Variants in CHRM2 observed in about 807,000 individuals in gnomAD.
CHRM2 encodes cholinergic receptor muscarinic 2.
Under a neutral mutation model 25.0 loss-of-function variants are expected in CHRM2, and 8 were observed. The ratio of observed to expected loss-of-function variants is 0.32; its 90% CI spans 0.19 to 0.58. The LOEUF (loss-of-function observed/expected upper bound fraction) is 0.58. CHRM2 is among the 20% of genes least tolerant of loss of function. The pLI is 0.88. For synonymous variants in CHRM2, 202 were observed against 205.7 expected (o/e 0.98, Z 0.15); for missense variants, 440 against 567.1 (o/e 0.78, Z 2.28).
At chr7:136,888,461 G>T (rs1796557530) in intron 2 of CHRM2, among the ~76,000 whole-genome samples, 2 of 152,118 alleles carry the variant, frequency 1.3e-5, no homozygotes, top group East Asian at 1.9e-4. Flanking sequence ...ATTTTAGCAG[G>T]TTTTCAGAAA....
At chr7:136,947,196 G>A (rs1460457440) in intron 2 of CHRM2, among the ~76,000 whole-genome samples, 1 of 151,982 alleles carries the variant, frequency 6.6e-6, no homozygotes, top group East Asian at 1.9e-4. Context: ...AAGCTGTCGT[G>A]GTTTTTTTGT....
intron 2 of CHRM2, among the ~76,000 whole-genome samples, chr7:136,884,889 T>C (rs1281700821): frequency 6.6e-6 from 1 of 152,168 alleles, no homozygotes; most frequent in Non-Finnish European, 1.5e-5. Context: ...CCACACTCAG[T>C]GAAGATCAAA....
chr7:136,993,152 A>AT (rs1443491305), intron 3 of CHRM2, among the ~76,000 whole-genome samples: 4 of 152,152 alleles, frequency 2.6e-5, no homozygotes, highest in Non-Finnish European at 5.9e-5. Flanking sequence ...ATTGAGAGGT[A>AT]TTTTTATTCA....
chr7:136,996,139 T>C (rs1322958941), intron 3 of CHRM2, among the ~76,000 whole-genome samples: 1 of 151,918 alleles, frequency 6.6e-6, no homozygotes, highest in Non-Finnish European at 1.5e-5. Context: ...TGATATTAGA[T>C]CTTTTTATAC....
At chr7:136,916,732 CTATGT>C (rs1443033044) in intron 2 of CHRM2, among the ~76,000 whole-genome samples, 5 of 150,946 alleles carry the variant, frequency 3.3e-5, no homozygotes, top group African/African-American at 4.8e-5. Flanking sequence ...ATGCTATGTA[CTATGT>C]TATATTAGGT....
chr7:136,935,308 G>A (rs550720509), intron 2 of CHRM2, among the ~76,000 whole-genome samples: 11 of 152,136 alleles, frequency 7.2e-5, no homozygotes, highest in Non-Finnish European at 1.2e-4. Flanking sequence ...TAAAGCATGC[G>A]GCATCAATTA....
chr7:136,937,039 AG>A (rs1163233183), intron 2 of CHRM2, among the ~76,000 whole-genome samples: 1 of 152,214 alleles, frequency 6.6e-6, no homozygotes, highest in Non-Finnish European at 1.5e-5. Context: ...GATTTAAACT[AG>A]GAGTACATTG....
chr7:136,962,042 G>A (rs769834718), intron 2 of CHRM2, among the ~76,000 whole-genome samples: 3 of 152,118 alleles, frequency 2.0e-5, no homozygotes, highest in Non-Finnish European at 2.9e-5. Flanking sequence ...GAAAAGGAAC[G>A]ACTGGAGGGC....
chr7:136,995,567 A>G (rs147695568), intron 3 of CHRM2, among the ~76,000 whole-genome samples: 1 of 152,264 alleles, frequency 6.6e-6, no homozygotes, highest in African/African-American at 2.4e-5. Flanking sequence ...ATTCAGGACC[A>G]GCCTGGACAA....
At chr7:136,935,669 G>A (rs951876674) in intron 2 of CHRM2, among the ~76,000 whole-genome samples, 8 of 152,026 alleles carry the variant, frequency 5.3e-5, no homozygotes, top group Non-Finnish European at 1.0e-4. Context: ...CTGGAGGCAC[G>A]GAGACTTCTT....
intron 2 of CHRM2, among the ~76,000 whole-genome samples, chr7:136,965,709 C>T (rs920161738): frequency 6.6e-6 from 1 of 152,006 alleles, no homozygotes; most frequent in Non-Finnish European, 1.5e-5. Flanking sequence ...CAGTGCAGTC[C>T]TCTAAAATCA....
At chr7:136,983,324 T>A (rs1802614339) in intron 2 of CHRM2, among the ~76,000 whole-genome samples, 1 of 152,154 alleles carries the variant, frequency 6.6e-6, no homozygotes, top group Non-Finnish European at 1.5e-5. Context: ...AAACTGGTTA[T>A]TCCAGTTAGC....
chr7:136,938,481 G>A, intron 2 of CHRM2: 1 of 1,102,942 alleles, frequency 9.1e-7, no homozygotes, highest in South Asian at 1.2e-5. Context: ...CGGCCTGGAT[G>A]TTGGGGTTCA....
intron 2 of CHRM2, among the ~76,000 whole-genome samples, chr7:136,883,578 T>G (rs975406563): frequency 1.1e-4 from 16 of 152,146 alleles, no homozygotes; most frequent in African/African-American, 3.9e-4. Flanking sequence ...CAATGAATAC[T>G]TCTATGGAAG....
chr7:136,897,372 T>G (rs1796960864), intron 2 of CHRM2, among the ~76,000 whole-genome samples: 1 of 152,086 alleles, frequency 6.6e-6, no homozygotes, highest in Non-Finnish European at 1.5e-5. Flanking sequence ...TAATCACAAC[T>G]TGCTATTGCA....
chr7:136,924,641 G>T (rs756450721), intron 2 of CHRM2, among the ~76,000 whole-genome samples: 2 of 152,056 alleles, frequency 1.3e-5, no homozygotes, highest in Non-Finnish European at 2.9e-5. Context: ...AGATTTGTCA[G>T]TGGAAGTGAT....
intron 2 of CHRM2, among the ~76,000 whole-genome samples, chr7:136,930,721 C>T (rs1189386872): frequency 6.6e-6 from 1 of 151,552 alleles, no homozygotes; most frequent in Non-Finnish European, 1.5e-5. Flanking sequence ...CACGGTGAAA[C>T]CCCGTCTCTA....
At chr7:136,923,349 C>A (rs2130744846) in intron 2 of CHRM2, among the ~76,000 whole-genome samples, 1 of 150,766 alleles carries the variant, frequency 6.6e-6, no homozygotes, top group Middle Eastern at 3.5e-3. Flanking sequence ...ATAGTCATGT[C>A]ATGAACTGTG....
At chr7:136,922,560 A>G (rs533295204) in intron 2 of CHRM2, among the ~76,000 whole-genome samples, 1 of 152,288 alleles carries the variant, frequency 6.6e-6, no homozygotes, top group Non-Finnish European at 1.5e-5. Flanking sequence ...ACACACATTT[A>G]TCTACAGTTC....
Sources: gnomAD v4.1 joint callset for allele counts (sites outside exome capture counted in the v4.1 genomes callset) on GRCh38, gnomAD v4.1.1 for gene constraint, MANE v1.5 for transcripts, NCBI Gene and HGNC (gene_info 2026-07-23, HGNC 2026-07-21) for gene names.